SCGB2B2: variants seen among roughly 807,000 people sequenced by gnomAD.
SCGB2B2 encodes the protein secretoglobin-like protein.
Under a neutral mutation model 7.6 loss-of-function variants are expected in SCGB2B2, and 11 were observed. That is an observed-to-expected ratio of 1.45 (90% CI 0.91 to 2.40). The LOEUF (loss-of-function observed/expected upper bound fraction) is 2.40. Among genes scored for constraint, SCGB2B2 ranks in the 30% most tolerant of loss-of-function variants. The probability of loss-of-function intolerance (pLI) is 0.00; values close to 1 mark genes in which losing one functional copy is unlikely to be tolerated. For missense variants in SCGB2B2, 104 were observed against 115.4 expected, an observed-to-expected ratio of 0.90 and a Z score of 0.45; for synonymous variants, 50 against 48.6, an observed-to-expected ratio of 1.03 and a Z score of -0.12.
chr19:34,659,701 T>C (rs2067395581), intron 1 of SCGB2B2, among the ~76,000 whole-genome samples: 1 of 152,130 alleles, frequency 6.6e-6, no homozygotes, highest in South Asian at 2.1e-4. Context: ...ATCGTGAAAA[T>C]GGCCATACTG....
intron 1 of SCGB2B2, among the ~76,000 whole-genome samples, chr19:34,658,821 A>ACC (rs918622589): frequency 7.8e-6 from 1 of 127,464 alleles, no homozygotes; most frequent in Non-Finnish European, 1.8e-5. Flanking sequence ...AACAAAAAAA[A>ACC]AAAAAAAAAA....
chr19:34,662,171 C>T (rs1294223123), intron 1 of SCGB2B2, among the ~76,000 whole-genome samples: 12 of 152,066 alleles, frequency 7.9e-5, no homozygotes, highest in Admixed American at 2.0e-4. Flanking sequence ...TGAGCCACCG[C>T]GCCGGGCCAT....
At chr19:34,623,270 C>A (rs975661273) in intron 1 of SCGB2B2, among the ~76,000 whole-genome samples, 2 of 152,112 alleles carry the variant, frequency 1.3e-5, no homozygotes, top group African/African-American at 4.8e-5. Context: ...TTGGGACTTT[C>A]CTAAAGCAAA....
At chr19:34,616,524 T>G (rs1600048945) in intron 1 of SCGB2B2, among the ~76,000 whole-genome samples, 1 of 134,748 alleles carries the variant, frequency 7.4e-6, no homozygotes, top group Admixed American at 7.4e-5. Flanking sequence ...TCGCCCACTT[T>G]TTGATGGGGT....
At chr19:34,633,559 G>C (rs2066593598) in intron 1 of SCGB2B2, among the ~76,000 whole-genome samples, 2 of 152,104 alleles carry the variant, frequency 1.3e-5, no homozygotes, top group South Asian at 4.1e-4. Context: ...TTTAGAAAAA[G>C]AAAATAAGTC....
intron 1 of SCGB2B2, among the ~76,000 whole-genome samples, chr19:34,639,390 C>G (rs2145995039): frequency 6.6e-6 from 1 of 152,344 alleles, no homozygotes; most frequent in African/African-American, 2.4e-5. Context: ...AACCTAATCA[C>G]TACCAAATAT....
At chr19:34,588,929 G>A (rs1264272116), downstream of SCGB2B2, among the ~76,000 whole-genome samples, 1 of 152,162 alleles carries the variant, frequency 6.6e-6, no homozygotes, top group Non-Finnish European at 1.5e-5. Flanking sequence ...CTGAGAGATG[G>A]GGCCCAGCAA....
chr19:34,650,789 A>G (rs2067142346), intron 1 of SCGB2B2, among the ~76,000 whole-genome samples: 1 of 151,430 alleles, frequency 6.6e-6, no homozygotes, highest in Non-Finnish European at 1.5e-5. Flanking sequence ...AAACCAGAGA[A>G]GCACACACAA....
At chr19:34,607,888 G>A (rs1253686635) in intron 1 of SCGB2B2, among the ~76,000 whole-genome samples, 2 of 151,978 alleles carry the variant, frequency 1.3e-5, no homozygotes, top group South Asian at 2.1e-4. Context: ...TCATTTTTTA[G>A]GTTAATACCT....
chr19:34,632,304 T>C (rs1389736613), intron 1 of SCGB2B2, among the ~76,000 whole-genome samples: 1 of 152,206 alleles, frequency 6.6e-6, no homozygotes, highest in Non-Finnish European at 1.5e-5. Flanking sequence ...TAGGACAGAC[T>C]GTTAAGATGA....
At chr19:34,601,497 C>T (rs535805028) in intron 1 of SCGB2B2, among the ~76,000 whole-genome samples, 3 of 152,270 alleles carry the variant, frequency 2.0e-5, no homozygotes, top group African/African-American at 7.2e-5. Flanking sequence ...TTGGTCTTCC[C>T]TATTTTCTCT....
chr19:34,637,479 C>T (rs904848514), intron 1 of SCGB2B2, among the ~76,000 whole-genome samples: 1 of 152,142 alleles, frequency 6.6e-6, no homozygotes, highest in Non-Finnish European at 1.5e-5. Context: ...ACTTACCCAG[C>T]GAGGCCACAA....
intron 1 of SCGB2B2, among the ~76,000 whole-genome samples, chr19:34,605,369 A>G (rs1245666544): frequency 6.6e-6 from 1 of 152,142 alleles, no homozygotes; most frequent in Non-Finnish European, 1.5e-5. Flanking sequence ...GTTGCTTCCT[A>G]ACTTCAGATA....
At chr19:34,601,810 G>T (rs920569775) in intron 1 of SCGB2B2, among the ~76,000 whole-genome samples, 1 of 152,028 alleles carries the variant, frequency 6.6e-6, no homozygotes, top group African/African-American at 2.4e-5. Context: ...TTATTGCATT[G>T]TAGAATCTCT....
At chr19:34,625,381 G>C (rs1389730898) in intron 1 of SCGB2B2, among the ~76,000 whole-genome samples, 1 of 152,214 alleles carries the variant, frequency 6.6e-6, no homozygotes, top group Non-Finnish European at 1.5e-5. Context: ...CAAAGAAAGG[G>C]GTGACAGACG....
intron 1 of SCGB2B2, among the ~76,000 whole-genome samples, chr19:34,656,050 C>T (rs1321678070): frequency 6.6e-6 from 1 of 151,256 alleles, no homozygotes; most frequent in Non-Finnish European, 1.5e-5. Flanking sequence ...GAGCTGGTAT[C>T]ATGTTGACAC....
chr19:34,618,825 T>A (rs1178766574), intron 1 of SCGB2B2, among the ~76,000 whole-genome samples: 1 of 152,226 alleles, frequency 6.6e-6, no homozygotes, highest in Non-Finnish European at 1.5e-5. Flanking sequence ...AGATTGCAGA[T>A]CTCAGGATGA....
At chr19:34,620,662 T>C (rs1253733021) in intron 1 of SCGB2B2, among the ~76,000 whole-genome samples, 3 of 152,208 alleles carry the variant, frequency 2.0e-5, no homozygotes, top group Non-Finnish European at 2.9e-5. Context: ...ACTTAAAGTA[T>C]ATATTTTAAA....
intron 1 of SCGB2B2, among the ~76,000 whole-genome samples, chr19:34,614,682 G>A (rs1409238663): frequency 6.6e-6 from 1 of 152,126 alleles, no homozygotes; most frequent in East Asian, 1.9e-4. Flanking sequence ...GCTTTTAAAT[G>A]TTTCTTTTGG....
Sources: gnomAD v4.1 joint callset for allele counts (sites outside exome capture counted in the v4.1 genomes callset) on GRCh38, gnomAD v4.1.1 for gene constraint, MANE v1.5 for transcripts, NCBI Gene and HGNC (gene_info 2026-07-23, HGNC 2026-07-21) for gene names.